Variants in ULK4 observed in about 807,000 individuals in gnomAD.
ULK4 encodes unc-51 like kinase 4.
ULK4 carries 133 observed loss-of-function variants against 160.6 expected under a neutral mutation model. The observed-to-expected ratio is 0.83, with a 90% CI of 0.72 to 0.96. The LOEUF (loss-of-function observed/expected upper bound fraction) is 0.96. ULK4 is among the 40% of genes least tolerant of loss of function. The pLI, the probability that ULK4 is intolerant of heterozygous loss-of-function variation, is 0.00. For missense variants in ULK4, 1,580 were observed against 1,499.5 expected (o/e 1.05, Z -0.89); for synonymous variants, 534 against 539.8 (o/e 0.99, Z 0.15).
intron 30 of ULK4, among the ~76,000 whole-genome samples, chr3:41,645,231 C>A (rs553468040): frequency 6.6e-6 from 1 of 151,812 alleles, no homozygotes; most frequent in Admixed American, 6.6e-5. Context: ...TTGCCTTCTG[C>A]TAGCTTTTGA....
chr3:41,648,680 C>G (rs1203035563), intron 30 of ULK4, among the ~76,000 whole-genome samples: 1 of 152,190 alleles, frequency 6.6e-6, no homozygotes, highest in African/African-American at 2.4e-5. Flanking sequence ...AATTACCCCT[C>G]TCCACTTGTG....
At chr3:41,849,330 A>C (rs1430061244) in intron 17 of ULK4, among the ~76,000 whole-genome samples, 1 of 152,230 alleles carries the variant, frequency 6.6e-6, no homozygotes, top group Non-Finnish European at 1.5e-5. Context: ...TATAGCAGCT[A>C]AGATCTGTAC....
At chr3:41,297,160 C>T (rs1003096706) in intron 35 of ULK4, among the ~76,000 whole-genome samples, 1 of 152,172 alleles carries the variant, frequency 6.6e-6, no homozygotes, top group African/African-American at 2.4e-5. Context: ...AATTTCTCTC[C>T]CTCCTGCTGC....
chr3:41,828,374 T>A (rs1234186662), intron 18 of ULK4, among the ~76,000 whole-genome samples: 1 of 150,424 alleles, frequency 6.6e-6, no homozygotes, highest in Non-Finnish European at 1.5e-5. Flanking sequence ...TGTTTACAGA[T>A]GACATGATTG....
At chr3:41,380,026 T>G (rs1389045338) in intron 35 of ULK4, among the ~76,000 whole-genome samples, 1 of 151,970 alleles carries the variant, frequency 6.6e-6, no homozygotes, top group African/African-American at 2.4e-5. Context: ...CATACCCAAG[T>G]GAAGAAAAAA....
At chr3:41,846,813 A>AG (rs1316155362) in intron 17 of ULK4, among the ~76,000 whole-genome samples, 5 of 152,024 alleles carry the variant, frequency 3.3e-5, no homozygotes, top group African/African-American at 1.2e-4. Flanking sequence ...TCTCAAAAAA[A>AG]AAAAAAAAAA....
Position 41,378,916 on chromosome 3 carries a change from G to A in ULK4, c.3678+19163C>T, listed in dbSNP as rs1037816386. Among the ~76,000 whole-genome samples, 3 of 152,230 alleles carry A rather than the reference G, an allele frequency of 2.0e-5. No individual in the cohort carries two copies. The East Asian group carries it at 5.8e-4, about 29-fold the overall frequency. Reference sequence around the variant, plus strand: ...TCAAGTCCTTTGTGGGGACATGGATGAAGCTGGAAACCATCATTCTCAGCA... The same window carrying A: ...TCAAGTCCTTTGTGGGGACATGGATAAAGCTGGAAACCATCATTCTCAGCA... On this transcript the variant is annotated intron_variant, in intron 35 of 36. Transcript: ENST00000301831.
rs1217260644 is a variant in ULK4, at chr3:41,717,724, T to A, written c.2455+4A>T. On this transcript the variant is annotated splice_donor_region_variant and intron_variant, in intron 23 of 36. Transcript: ENST00000301831. ...TGGGGCCTGAGGATGAGACTCCAAT[T>A]TACCCAGGATTCGTGGCAGCTCCTG... 2 of 1,609,780 alleles carry A rather than the reference T, an allele frequency of 1.2e-6. No homozygotes were observed. Among genetic ancestry groups the A allele is most frequent in the African/African-American group, 2.7e-5 (2 of 74,860 alleles).
intron 34 of ULK4, among the ~76,000 whole-genome samples, chr3:41,412,034 T>C (rs1408391269): frequency 1.3e-5 from 2 of 152,192 alleles, no homozygotes; most frequent in Non-Finnish European, 2.9e-5. Context: ...AGTCTGATCC[T>C]GTATGTAGAA....
chr3:41,487,086 C>T (rs1027558394), intron 32 of ULK4, among the ~76,000 whole-genome samples: 1 of 152,048 alleles, frequency 6.6e-6, no homozygotes. Context: ...CCAGAAAAAA[C>T]ATAATTTTAA....
intron 32 of ULK4, among the ~76,000 whole-genome samples, chr3:41,519,046 A>C (rs2085842104): frequency 6.6e-6 from 1 of 152,000 alleles, no homozygotes; most frequent in African/African-American, 2.4e-5. Context: ...CCCACCTCCC[A>C]CCCCTGCTGG....
chr3:41,825,310 G>C (rs2125637650), intron 18 of ULK4, among the ~76,000 whole-genome samples: 1 of 152,372 alleles, frequency 6.6e-6, no homozygotes, highest in Non-Finnish European at 1.5e-5. Flanking sequence ...AAGCTGGATG[G>C]AGAATGCCTT....
rs534504969 is a variant in ULK4 at position 41,770,587 on chromosome 3, G to A, written c.2194-16099C>T. 9.9e-4 allele frequency among the ~76,000 whole-genome samples: 146 copies of A among 147,952 alleles called. 1 individual carries two copies. The highest frequency in any genetic ancestry group is 3.5e-3 in the African/African-American group (138 of 39,520). ...TGCAGTGGAGCAATCCTGGCTCACT[G>A]CAACCTCCAGTCTCCCAGGTTCAAG... On this transcript the variant is annotated intron_variant, in intron 21 of 36. Transcript: ENST00000301831.
chr3:41,259,110 A>G (rs6781242), intron 35 of ULK4, among the ~76,000 whole-genome samples: 52,973 of 130,258 alleles, frequency 0.41, 11,097 homozygotes, highest in Non-Finnish European at 0.46. Flanking sequence ...GTATATGTAT[A>G]TATGTGTATA....
chr3:41,507,235 A>C (rs2085426938), intron 32 of ULK4, among the ~76,000 whole-genome samples: 1 of 149,104 alleles, frequency 6.7e-6, no homozygotes, highest in Non-Finnish European at 1.5e-5. Context: ...TTCCTCAGTC[A>C]CATTATAATG....
intron 35 of ULK4, among the ~76,000 whole-genome samples, chr3:41,340,138 A>T (rs2080650736): frequency 6.6e-6 from 1 of 152,268 alleles, no homozygotes; most frequent in South Asian, 2.1e-4. Flanking sequence ...GATGGAAAGT[A>T]TATATTATTT....
chr3:41,831,531 A>ATATATATATTT, intron 18 of ULK4, among the ~76,000 whole-genome samples: 1 of 138,066 alleles, frequency 7.2e-6, no homozygotes, highest in Admixed American at 7.2e-5. Flanking sequence ...ATATATATAT[A>ATATATATATTT]TTTTTTTTTC....
intron 32 of ULK4, among the ~76,000 whole-genome samples, chr3:41,495,821 T>A (rs1271482319): frequency 6.6e-6 from 1 of 151,446 alleles, no homozygotes; most frequent in African/African-American, 2.4e-5. Flanking sequence ...AAAAGACACA[T>A]GAAAAAATGC....
At chr3:41,939,678 T>C (rs1699889483) in intron 2 of ULK4, among the ~76,000 whole-genome samples, 1 of 152,090 alleles carries the variant, frequency 6.6e-6, no homozygotes, top group Admixed American at 6.6e-5. Context: ...GGAGGACCAC[T>C]TGAGCCAGGG....
Sources: gnomAD v4.1 joint callset for allele counts (sites outside exome capture counted in the v4.1 genomes callset) on GRCh38, gnomAD v4.1.1 for gene constraint, MANE v1.5 for transcripts, NCBI Gene and HGNC (gene_info 2026-07-23, HGNC 2026-07-21) for gene names.